NKAIN3: variants seen among roughly 807,000 people sequenced by gnomAD.
The protein encoded by NKAIN3 is sodium/potassium-transporting ATPase subunit beta-1-interacting protein 3.
Under a neutral mutation model 30.2 loss-of-function variants are expected in NKAIN3, and 25 were observed. That is an observed-to-expected ratio of 0.83 (90% CI 0.60 to 1.16). The LOEUF (loss-of-function observed/expected upper bound fraction) is 1.16. Among genes scored for constraint, NKAIN3 ranks in the 50% most tolerant of loss-of-function variants. NKAIN3 has a pLI of 0.00. For synonymous variants in NKAIN3, 91 were observed against 89.6 expected (o/e 1.02, Z -0.09); for missense variants, 225 against 254.1 (o/e 0.89, Z 0.78).
At chr8:62,522,550 C>A (rs1808190945) in intron 1 of NKAIN3, among the ~76,000 whole-genome samples, 1 of 151,990 alleles carries the variant, frequency 6.6e-6, no homozygotes, top group Non-Finnish European at 1.5e-5. Flanking sequence ...TAGGAGATGA[C>A]AGCTCCATGC....
chr8:62,892,796 C>T (rs911369189), intron 4 of NKAIN3, among the ~76,000 whole-genome samples: 1 of 152,092 alleles, frequency 6.6e-6, no homozygotes, highest in African/African-American at 2.4e-5. Context: ...GAAGGTGATA[C>T]TCCTTCCTCT....
intron 6 of NKAIN3, among the ~76,000 whole-genome samples, chr8:62,963,506 A>T (rs2130907171): frequency 6.6e-6 from 1 of 152,294 alleles, no homozygotes; most frequent in East Asian, 1.9e-4. Context: ...CCTCACTGAC[A>T]CTACTGCTAA....
At chr8:62,856,938 A>C in intron 4 of NKAIN3, 1 of 575,844 alleles carries the variant, frequency 1.7e-6, no homozygotes, top group African/African-American at 1.9e-5. Flanking sequence ...TCTGAGATTC[A>C]AACATAGCCC....
chr8:62,407,373 A>G (rs2129595641), intron 1 of NKAIN3, among the ~76,000 whole-genome samples: 1 of 145,724 alleles, frequency 6.9e-6, no homozygotes, highest in African/African-American at 2.5e-5. Context: ...ATTGCATTGA[A>G]TTTATTATCT....
chr8:62,437,398 T>G lies in NKAIN3; in HGVS notation c.55-142141T>G, dbSNP rs937091523. Among the ~76,000 whole-genome samples the G allele has an allele frequency of 1.4e-4, 21 of 152,194 alleles. 1 individual carries two copies. The highest frequency in any genetic ancestry group is 1.4e-3 in the Admixed American group (21 of 15,286). Reference sequence around the variant, plus strand: ...TAAAATTAAGTTTTTCCAAATAAATTTCTCAGGTTTACAGACAGCACAGTA... The same window carrying G: ...TAAAATTAAGTTTTTCCAAATAAATGTCTCAGGTTTACAGACAGCACAGTA... On this transcript the variant is annotated intron_variant, in intron 1 of 6. Transcript: ENST00000623646.
At chr8:62,371,949 A>G (rs575024174) in intron 1 of NKAIN3, among the ~76,000 whole-genome samples, 72 of 152,046 alleles carry the variant, frequency 4.7e-4, no homozygotes, top group Non-Finnish European at 8.5e-4. Flanking sequence ...CTTCTTTGCC[A>G]AAGGATTATC....
intron 3 of NKAIN3, among the ~76,000 whole-genome samples, chr8:62,737,574 C>T (rs528229734): frequency 1.3e-5 from 2 of 152,242 alleles, no homozygotes; most frequent in South Asian, 4.1e-4. Flanking sequence ...TATTTTATCT[C>T]CTGTGGCAAT....
At chr8:62,600,987 T>C (rs1810969413) in intron 3 of NKAIN3, among the ~76,000 whole-genome samples, 2 of 152,090 alleles carry the variant, frequency 1.3e-5, no homozygotes, top group Admixed American at 6.6e-5. Context: ...AACTTTAGCT[T>C]TTGGGCAGGC....
At chr8:62,888,293 G>A (rs1323665169) in intron 4 of NKAIN3, among the ~76,000 whole-genome samples, 1 of 152,148 alleles carries the variant, frequency 6.6e-6, no homozygotes, top group Non-Finnish European at 1.5e-5. Context: ...ATTTCAAAAC[G>A]GTTTCTTTTC....
intron 4 of NKAIN3, among the ~76,000 whole-genome samples, chr8:62,763,151 G>T (rs1464452438): frequency 7.0e-6 from 1 of 142,218 alleles, no homozygotes; most frequent in Non-Finnish European, 1.5e-5. Context: ...AACCCAGGAG[G>T]CGGAGCTTGC....
intron 4 of NKAIN3, among the ~76,000 whole-genome samples, chr8:62,793,221 G>C (rs1443277664): frequency 6.6e-6 from 1 of 151,858 alleles, no homozygotes; most frequent in Non-Finnish European, 1.5e-5. Flanking sequence ...ACTCCCAAAA[G>C]TCCAAGAACA....
At chr8:62,745,803 C>G (rs145308446) in intron 3 of NKAIN3, among the ~76,000 whole-genome samples, 1 of 152,132 alleles carries the variant, frequency 6.6e-6, no homozygotes, top group South Asian at 2.1e-4. Flanking sequence ...ACCTGGCTGT[C>G]TTCAGAGTAT....
At chr8:62,422,280 C>G (rs1239874841) in intron 1 of NKAIN3, among the ~76,000 whole-genome samples, 1 of 151,944 alleles carries the variant, frequency 6.6e-6, no homozygotes, top group Non-Finnish European at 1.5e-5. Flanking sequence ...TTGATGCTGC[C>G]TTTCCTAGAA....
At chr8:62,432,299 G>A (rs895203322) in intron 1 of NKAIN3, among the ~76,000 whole-genome samples, 2 of 152,000 alleles carry the variant, frequency 1.3e-5, no homozygotes, top group African/African-American at 4.8e-5. Flanking sequence ...CTTTCCAGTG[G>A]AGAAGATCTT....
intron 1 of NKAIN3, among the ~76,000 whole-genome samples, chr8:62,543,472 T>C (rs1201397212): frequency 6.6e-6 from 1 of 152,190 alleles, no homozygotes; most frequent in African/African-American, 2.4e-5. Flanking sequence ...TGTTGCTCAA[T>C]AGCTTCAATG....
chr8:62,574,678 T>A (rs1227489566), intron 1 of NKAIN3, among the ~76,000 whole-genome samples: 2 of 152,116 alleles, frequency 1.3e-5, no homozygotes, highest in East Asian at 1.9e-4. Context: ...GTACAGGGTT[T>A]CCCTTTTCTC....
At chr8:62,541,079 G>GT (rs1293119261) in intron 1 of NKAIN3, among the ~76,000 whole-genome samples, 2 of 152,116 alleles carry the variant, frequency 1.3e-5, no homozygotes, top group Non-Finnish European at 2.9e-5. Flanking sequence ...GGAGGCTGAG[G>GT]TGGGGGGATC....
intron 1 of NKAIN3, among the ~76,000 whole-genome samples, chr8:62,409,782 ATTAT>A (rs1346305817): frequency 6.6e-6 from 1 of 152,014 alleles, no homozygotes; most frequent in African/African-American, 2.4e-5. Context: ...AATTTTTAAA[ATTAT>A]TTATTTAACA....
intron 1 of NKAIN3, among the ~76,000 whole-genome samples, chr8:62,411,001 A>G (rs764867574): frequency 3.3e-5 from 5 of 152,200 alleles, no homozygotes; most frequent in Non-Finnish European, 5.9e-5. Context: ...AAAATATTCC[A>G]AAAAATGGAG....
Sources: gnomAD v4.1 joint callset for allele counts (sites outside exome capture counted in the v4.1 genomes callset) on GRCh38, gnomAD v4.1.1 for gene constraint, MANE v1.5 for transcripts, NCBI Gene and HGNC (gene_info 2026-07-23, HGNC 2026-07-21) for gene names.